The following CALN1 variants were observed in gnomAD, a reference collection of about 807,000 sequenced individuals.
The protein encoded by CALN1 is calcium-binding protein 8.
CALN1 carries 17 observed loss-of-function variants against 30.6 expected under a neutral mutation model. The observed-to-expected ratio is 0.56, with a 90% CI of 0.38 to 0.83. The LOEUF (loss-of-function observed/expected upper bound fraction) is 0.83, where lower values mean the gene tolerates loss of function less well. Ranked by LOEUF, CALN1 falls within the 40% of genes least tolerant of loss-of-function variation. The pLI is 0.00. For missense variants in CALN1, 291 were observed against 354.9 expected (o/e 0.82, Z 1.45); for synonymous variants, 156 against 131.4 (o/e 1.19, Z -1.28).
chr7:72,330,053 G>A (rs1431604804), intron 2 of CALN1, among the ~76,000 whole-genome samples: 1 of 152,066 alleles, frequency 6.6e-6, no homozygotes, highest in Non-Finnish European at 1.5e-5. Flanking sequence ...CACTTTGGGA[G>A]GCTGAGGCAG....
intron 3 of CALN1, among the ~76,000 whole-genome samples, chr7:72,150,325 A>G (rs1049995772): frequency 6.6e-5 from 10 of 152,214 alleles, no homozygotes; most frequent in African/African-American, 2.4e-4. Context: ...TTAGGAATGG[A>G]TCCAGTGCCT....
chr7:71,882,180 C>T (rs1392568960), intron 5 of CALN1, among the ~76,000 whole-genome samples: 1 of 152,222 alleles, frequency 6.6e-6, no homozygotes, highest in Non-Finnish European at 1.5e-5. Context: ...CATCTTGAGG[C>T]TGCCTGCATC....
upstream of CALN1, among the ~76,000 whole-genome samples, chr7:72,451,168 AGG>A (rs1808648319): frequency 6.8e-6 from 1 of 147,042 alleles, no homozygotes; most frequent in African/African-American, 2.6e-5. Context: ...GAGAAGGAGG[AGG>A]AGGAGGAGCA....
intron 2 of CALN1, among the ~76,000 whole-genome samples, chr7:72,388,849 G>A (rs751471808): frequency 9.2e-5 from 14 of 152,228 alleles, no homozygotes; most frequent in Middle Eastern, 3.4e-3. Context: ...GTTCAGAACT[G>A]GTGCATTTGG....
chr7:72,370,977 C>T lies in CALN1; in HGVS notation c.119+32274G>A, dbSNP rs57006670. On this transcript the variant is annotated intron_variant, in intron 2 of 6. Coordinates refer to ENST00000395275, the MANE Select transcript of CALN1 (RefSeq NM_031468.4). ...GCATGAGAATCACTTGAACCCGGGA[C>T]GTGGAGGTTGCAGTAAGCCAAGATC... Among the ~76,000 whole-genome samples the T allele has an allele frequency of 9.1e-3, 1,307 of 143,680 alleles. 22 individuals carry two copies. The highest frequency in any genetic ancestry group is 0.03 in the African/African-American group (1,169 of 38,518). 94.3% of individuals were successfully genotyped at this position (143,680 alleles called of 152,430 possible).
At chr7:71,856,376 C>A (rs1289203749) in intron 5 of CALN1, among the ~76,000 whole-genome samples, 1 of 152,018 alleles carries the variant, frequency 6.6e-6, no homozygotes, top group Non-Finnish European at 1.5e-5. Context: ...GGAGTCTTGA[C>A]CTCCAGGGCT....
At chr7:72,395,351 A>ATG (rs1380520785) in intron 2 of CALN1, among the ~76,000 whole-genome samples, 8 of 80,886 alleles carry the variant, frequency 9.9e-5, no homozygotes, top group Non-Finnish European at 1.3e-4. Flanking sequence ...CACGCTGCGC[A>ATG]CGCGCGCGCA....
rs184131840 is a variant in CALN1 at position 72,098,892 on chromosome 7, T to G, written c.388+7259A>C. Among the ~76,000 whole-genome samples the G allele has an allele frequency of 7.2e-4, 109 of 151,914 alleles. No individual in the cohort carries two copies. The East Asian group carries it at 0.016, about 22-fold the overall frequency. On this transcript the variant is annotated intron_variant, in intron 4 of 6. Transcript: ENST00000395275. ...TGCCTTCCATTCTGTCCCCTGGGAA[T>G]GTCTGGATGGATCCGTGTCCAGGAA...
intron 2 of CALN1, among the ~76,000 whole-genome samples, chr7:72,325,461 C>A (rs1585493495): frequency 6.6e-6 from 1 of 151,964 alleles, no homozygotes; most frequent in East Asian, 1.9e-4. Flanking sequence ...CTGAGCCGGG[C>A]GTGGTGGTGA....
chr7:72,339,000 G>A (rs555904525), intron 2 of CALN1, among the ~76,000 whole-genome samples: 32 of 139,054 alleles, frequency 2.3e-4, no homozygotes, highest in Admixed American at 1.3e-3. Flanking sequence ...GTAACCACTG[G>A]TAGATTCTCT....
At chr7:72,397,640 G>A (rs1026290489) in intron 2 of CALN1, among the ~76,000 whole-genome samples, 3 of 151,458 alleles carry the variant, frequency 2.0e-5, no homozygotes, top group Admixed American at 6.6e-5. Flanking sequence ...GCACATGAAG[G>A]TCTACCAGTA....
the CALN1 span, among the ~76,000 whole-genome samples, chr7:72,458,297 CTATATTA>C: frequency 3.3e-5 from 1 of 30,604 alleles, no homozygotes; most frequent in African/African-American, 1.5e-4. Context: ...ATAATATATT[CTATATTA>C]TATAATATAT....
chr7:71,800,683 G>A (rs1787247453), intron 6 of CALN1, among the ~76,000 whole-genome samples: 2 of 152,080 alleles, frequency 1.3e-5, no homozygotes, highest in African/African-American at 2.4e-5. Flanking sequence ...GCACCGTTTC[G>A]TATGAAGACT....
At chr7:72,129,450 C>T (rs1475100204) in intron 3 of CALN1, among the ~76,000 whole-genome samples, 3 of 151,660 alleles carry the variant, frequency 2.0e-5, no homozygotes, top group Non-Finnish European at 4.4e-5. Flanking sequence ...TGTGTGTGTG[C>T]GTTATAGATA....
chr7:72,134,916 T>C (rs1809400206), intron 3 of CALN1, among the ~76,000 whole-genome samples: 1 of 152,258 alleles, frequency 6.6e-6, no homozygotes, highest in Non-Finnish European at 1.5e-5. Flanking sequence ...AAGAATATGC[T>C]GATGGAATAT....
intron 5 of CALN1, among the ~76,000 whole-genome samples, chr7:71,881,706 C>T (rs1792578130): frequency 6.6e-6 from 1 of 152,092 alleles, no homozygotes; most frequent in Non-Finnish European, 1.5e-5. Flanking sequence ...ACCTTTGTAT[C>T]AGGGTCCCAG....
At chr7:72,264,999 CCTG>C (rs1796514310) in intron 3 of CALN1, among the ~76,000 whole-genome samples, 3 of 152,098 alleles carry the variant, frequency 2.0e-5, no homozygotes, top group Admixed American at 6.5e-5. Context: ...CATCCATGTA[CCTG>C]CTAATTTTTG....
chr7:71,806,267 C>CAA (rs761303865), intron 6 of CALN1, among the ~76,000 whole-genome samples: 1 of 138,924 alleles, frequency 7.2e-6, no homozygotes, highest in African/African-American at 3.0e-5. Context: ...CACACACACA[C>CAA]ACAAACACAC....
rs567136877 is a variant in CALN1, at chr7:72,149,912, G to A, written c.245-43618C>T. 7.3e-5 allele frequency among the ~76,000 whole-genome samples: 11 copies of A among 151,504 alleles called. No homozygotes were observed. The South Asian group carries it at 2.1e-3, about 29-fold the overall frequency. ...GCAGATCACCTGAGGTCAGGAATTC[G>A]AGACCAGCCTGGCCAACATGGTGAA... On this transcript the variant is annotated intron_variant, in intron 3 of 6. Coordinates refer to ENST00000395275, the MANE Select transcript of CALN1 (RefSeq NM_031468.4).
Sources: allele counts gnomAD v4.1 joint callset (sites outside exome capture counted in the v4.1 genomes callset), GRCh38; gene constraint gnomAD v4.1.1; transcripts MANE v1.5; gene names NCBI Gene and HGNC (gene_info 2026-07-23, HGNC 2026-07-21).